Variants in CACNA2D3 observed in about 807,000 individuals in gnomAD.
CACNA2D3 encodes the protein calcium voltage-gated channel auxiliary subunit alpha2delta 3, also known as voltage-dependent calcium channel subunit alpha-2/delta-3.
Under a neutral mutation model 160.6 loss-of-function variants are expected in CACNA2D3, and 60 were observed. That is an observed-to-expected ratio of 0.37 (90% CI 0.30 to 0.46). CACNA2D3 has a LOEUF of 0.46. Ranked by LOEUF, CACNA2D3 falls within the 20% of genes least tolerant of loss-of-function variation. CACNA2D3 has a pLI of 1.00. For missense variants in CACNA2D3, 1,205 were observed against 1,365.0 expected (o/e 0.88, Z 1.85); for synonymous variants, 558 against 492.9 (o/e 1.13, Z -1.75).
At position 55,074,175 on chromosome 3, in the gene CACNA2D3, T is replaced by A; in HGVS notation, c.3245T>A (p.Leu1082His). 1 of 1,613,768 alleles carries A rather than the reference T, an allele frequency of 6.2e-7. No homozygotes were observed. The highest frequency in any genetic ancestry group is 8.5e-7 in the Non-Finnish European group (1 of 1,179,742). ...CAAGCCCAGACAGTCCTCCTTCTGC[T>A]CCCTCTGCTTTTGATGCTCTTCTCA... is the stretch of plus-strand genomic sequence containing the variant. ...SLQAQTVLLL[L>H]PLLLMLFSR The change falls in exon 38 of 38, where the codon CTC (leucine) becomes CAC (histidine). Residue 1082 changes from leucine (L) to histidine (H), a missense_variant. Around this residue, in one of 3 missense-constraint regions of CACNA2D3, gnomAD observed 911 missense variants for 1,002.2 expected, o/e 0.91. Coordinates refer to ENST00000474759, the MANE Select transcript of CACNA2D3 (RefSeq NM_018398.3).
intron 2 of CACNA2D3, among the ~76,000 whole-genome samples, chr3:54,229,057 A>G (rs1701723311): frequency 6.6e-6 from 1 of 152,184 alleles, no homozygotes; most frequent in Admixed American, 6.5e-5. Flanking sequence ...TAAACCAACA[A>G]CACTGCTGGA....
At chr3:54,207,021 T>A (rs1701287940) in intron 2 of CACNA2D3, among the ~76,000 whole-genome samples, 1 of 152,182 alleles carries the variant, frequency 6.6e-6, no homozygotes, top group Non-Finnish European at 1.5e-5. Flanking sequence ...CCATGAACAG[T>A]GACTAGACAC....
intron 2 of CACNA2D3, among the ~76,000 whole-genome samples, chr3:54,263,168 A>G (rs1006176750): frequency 4.1e-4 from 62 of 152,188 alleles, no homozygotes; most frequent in African/African-American, 1.4e-3. Context: ...GTTGCATAAT[A>G]CCTTTTTTAT....
intron 17 of CACNA2D3, among the ~76,000 whole-genome samples, chr3:54,857,942 A>G (rs1396643590): frequency 6.6e-6 from 1 of 152,100 alleles, no homozygotes; most frequent in East Asian, 1.9e-4. Context: ...AATAACTGAG[A>G]GTAGGCACTT....
At chr3:54,488,455 C>T (rs1701052243) in intron 4 of CACNA2D3, among the ~76,000 whole-genome samples, 1 of 152,110 alleles carries the variant, frequency 6.6e-6, no homozygotes, top group African/African-American at 2.4e-5. Context: ...ATGAAACCCT[C>T]CATCATGGCA....
At chr3:54,921,624 T>A (rs2106931767) in intron 27 of CACNA2D3, among the ~76,000 whole-genome samples, 1 of 152,264 alleles carries the variant, frequency 6.6e-6, no homozygotes, top group South Asian at 2.1e-4. Flanking sequence ...TTAATTGAAT[T>A]AATTAATGCC....
intron 13 of CACNA2D3, among the ~76,000 whole-genome samples, chr3:54,812,703 T>A (rs142928652): frequency 1.1e-3 from 175 of 152,286 alleles, no homozygotes; most frequent in African/African-American, 4.1e-3. Context: ...TTTGTGCTGC[T>A]ATTGTGTGGT....
chr3:55,004,966 T>C, intron 32 of CACNA2D3, 128 bp downstream of exon 32: 3 of 583,082 alleles, frequency 5.1e-6, no homozygotes, highest in Non-Finnish European at 2.9e-6. Flanking sequence ...TTGACTTTAC[T>C]CACTTAAAAA....
intron 11 of CACNA2D3, among the ~76,000 whole-genome samples, chr3:54,678,720 CAAAAAAAAAAAAA>C (rs71096434): frequency 0.023 from 1,057 of 45,976 alleles, 37 homozygotes; most frequent in East Asian, 0.13. Context: ...GACTCGGTCT[CAAAAAAAAAAAAA>C]AAAAAAAAAA....
chr3:54,160,925 A>T (rs1700332467), intron 2 of CACNA2D3, among the ~76,000 whole-genome samples: 2 of 152,328 alleles, frequency 1.3e-5, no homozygotes, highest in African/African-American at 4.8e-5. Context: ...GGATGAGACC[A>T]TTTTGCCGAA....
At chr3:54,359,951 A>G (rs1698714131) in intron 3 of CACNA2D3, among the ~76,000 whole-genome samples, 1 of 152,178 alleles carries the variant, frequency 6.6e-6, no homozygotes, top group South Asian at 2.1e-4. Flanking sequence ...TGGAGGATGT[A>G]CTAGGTGAAG....
intron 2 of CACNA2D3, among the ~76,000 whole-genome samples, chr3:54,156,555 C>T (rs150273560): frequency 3.3e-5 from 5 of 152,194 alleles, no homozygotes; most frequent in African/African-American, 9.7e-5. Flanking sequence ...GGCCCCCATT[C>T]CCTCCCGGTC....
chr3:54,342,592 C>A (rs2107526645), intron 3 of CACNA2D3, among the ~76,000 whole-genome samples: 1 of 152,202 alleles, frequency 6.6e-6, no homozygotes, highest in Non-Finnish European at 1.5e-5. Context: ...TGCTTCAGAG[C>A]TTGGAGTCTT....
chr3:54,595,345 T>A (rs569600210), intron 9 of CACNA2D3, among the ~76,000 whole-genome samples: 221 of 152,034 alleles, frequency 1.5e-3, no homozygotes, highest in African/African-American at 5.2e-3. Flanking sequence ...TGTGTGTGTG[T>A]GTGTGTGTGT....
At chr3:54,774,673 C>T (rs1417638619) in intron 13 of CACNA2D3, among the ~76,000 whole-genome samples, 37 of 123,684 alleles carry the variant, frequency 3.0e-4, no homozygotes, top group Admixed American at 1.8e-3. Context: ...CTCACTCTGT[C>T]GCCCAGGCTG....
At chr3:54,900,322 AG>A (rs1700298114) in intron 27 of CACNA2D3, among the ~76,000 whole-genome samples, 1 of 152,186 alleles carries the variant, frequency 6.6e-6, no homozygotes, top group Admixed American at 6.5e-5. Flanking sequence ...GGGGAATTAG[AG>A]TTAGCTGTAT....
Position 54,896,584 on chromosome 3 carries a change from T to C in CACNA2D3, c.2247-165T>C, listed in dbSNP as rs547671992. On this transcript the variant is annotated intron_variant, in intron 25 of 37. Transcript: ENST00000474759. ...AGCTCTGCAAGATGTTTTTGAGTAA[T>C]CTGGGGTGCACAGTGTTAAGTGAGG... The C allele has an allele frequency of 4.4e-6, 3 of 686,108 alleles. No individual in the cohort carries two copies. The African/African-American group carries it at 5.3e-5, about 12-fold the overall frequency. The allele number at this position is 686,108 out of a possible 1,614,324, so 42.5% of individuals were successfully genotyped here. A position where few individuals can be genotyped will look rare whatever the true frequency, so the allele number is the denominator to read the frequency against.
intron 29 of CACNA2D3, among the ~76,000 whole-genome samples, chr3:54,982,771 T>C (rs930211599): frequency 4.6e-5 from 7 of 152,122 alleles, no homozygotes; most frequent in Admixed American, 2.0e-4. Context: ...CCTCCCCTTT[T>C]TAGACCAATA....
chr3:54,784,879 C>T (rs1702605133), intron 13 of CACNA2D3, among the ~76,000 whole-genome samples: 1 of 152,170 alleles, frequency 6.6e-6, no homozygotes, highest in Admixed American at 6.5e-5. Flanking sequence ...ACCTCTGCAC[C>T]TTCCTGAAAG....
Sources: gnomAD v4.1 joint callset for allele counts (sites outside exome capture counted in the v4.1 genomes callset) on GRCh38, gnomAD v4.1.1 for gene constraint, gnomAD v4.1.1 regional missense constraint, MANE v1.5 for transcripts, NCBI Gene and HGNC (gene_info 2026-07-23, HGNC 2026-07-21) for gene names.